VIPAS39: variants seen among roughly 807,000 people sequenced by gnomAD.
The protein encoded by VIPAS39 is VPS33B interacting protein, apical-basolateral polarity regulator, spe-39 homolog, also known as spermatogenesis-defective protein 39 homolog.
Under a neutral mutation model 84.7 loss-of-function variants are expected in VIPAS39, and 63 were observed. That is an observed-to-expected ratio of 0.74 (90% confidence interval 0.61 to 0.92). The LOEUF (loss-of-function observed/expected upper bound fraction) is 0.92. VIPAS39 is among the 40% of genes least tolerant of loss of function. VIPAS39 has a pLI of 0.00. For synonymous variants in VIPAS39, 192 were observed against 216.5 expected (o/e 0.89, Z 0.99); for missense variants, 499 against 604.5 (o/e 0.83, Z 1.83).
At chr14:77,434,439 G>A in intron 14 of VIPAS39, 136 bp from the exon 15 acceptor site, 2 of 854,820 alleles carry the variant, frequency 2.3e-6, no homozygotes, top group South Asian at 1.4e-5. Flanking sequence ...TTAATTTCAG[G>A]GAAAAGCTCC....
Position 77,449,713 on chromosome 14 carries a change from C to G in VIPAS39, c.382+1G>C. 1 of 1,614,058 alleles carries G rather than the reference C, an allele frequency of 6.2e-7. No individual in the cohort carries two copies. Among genetic ancestry groups the G allele is most frequent in the Non-Finnish European group, 8.5e-7 (1 of 1,180,014 alleles). ...CAATTAAAAGAGGGTTCAATGCCTA[C>G]CATCAGAAAGGGACTGGAAACTTCC... On this transcript the variant is annotated splice_donor_variant, in intron 5 of 19. Transcript: ENST00000557658. LOFTEE classifies it high-confidence loss of function.
intron 1 of VIPAS39, 36 bp downstream of exon 1, chr14:77,457,459 C>T (rs2078979549): frequency 2.0e-6 from 3 of 1,490,588 alleles, no homozygotes; most frequent in Admixed American, 2.0e-5. Flanking sequence ...TGGATCCAGC[C>T]AGATACGCGA....
At position 77,444,330 on chromosome 14, in the gene VIPAS39, T is replaced by C. The variant is rs766597139; in HGVS notation, c.516A>G (p.Leu172=). Residue 172 remains leucine, a synonymous_variant, in exon 8 of 20, where the codon CTA becomes CTG. Transcript: ENST00000557658. Reference sequence around the variant, plus strand: ...TGTCCTGTAAGGAGCGGAATCTCTCTAGTGAGCAAACCTGGCAGAATAACA... The same window carrying C: ...TGTCCTGTAAGGAGCGGAATCTCTCCAGTGAGCAAACCTGGCAGAATAACA... ...RRLRKGKVCS[L]ERFRSLQDKL... 2 of 1,613,298 alleles carry C rather than the reference T, an allele frequency of 1.2e-6. No individual in the cohort carries two copies. Among genetic ancestry groups the C allele is most frequent in the Non-Finnish European group, 1.7e-6 (2 of 1,179,480 alleles).
At chr14:77,437,470 T>TA (rs1159488914) in intron 12 of VIPAS39, among the ~76,000 whole-genome samples, 1 of 151,816 alleles carries the variant, frequency 6.6e-6, no homozygotes. Flanking sequence ...CCTAAGGTCA[T>TA]AAAAAAAGGT....
chr14:77,441,119 G>A (rs780474740), intron 10 of VIPAS39, 26 bp from the exon 11 acceptor site: 1 of 1,612,204 alleles, frequency 6.2e-7, no homozygotes, highest in Admixed American at 1.7e-5. Context: ...AGGGAGCAGG[G>A]CATTTGTATC....
At chr14:77,455,808 ACTATCTGGTCC>A (rs1275566125) in intron 1 of VIPAS39, among the ~76,000 whole-genome samples, 1 of 152,150 alleles carries the variant, frequency 6.6e-6, no homozygotes, top group African/African-American at 2.4e-5. Context: ...GGGATTTTCT[ACTATCTGGTCC>A]CTTCTCACGG....
chr14:77,443,110 C>T lies in VIPAS39; in HGVS notation c.631+9G>A. The T allele has an allele frequency of 6.2e-7, 1 of 1,614,198 alleles. No homozygotes were observed. Among genetic ancestry groups the T allele is most frequent in the Non-Finnish European group, 8.5e-7 (1 of 1,180,034 alleles). Reference sequence around the variant, plus strand: ...TGCTGACTGAAGATTTCCTGCAAGCCATTCTCACCTTTGCTCAGTGTCCTC... The same window carrying T: ...TGCTGACTGAAGATTTCCTGCAAGCTATTCTCACCTTTGCTCAGTGTCCTC... On this transcript the variant is annotated intron_variant, in intron 9 of 19. Transcript: ENST00000557658.
chr14:77,437,734 C>T, intron 12 of VIPAS39, 74 bp downstream of exon 12: 1 of 1,492,170 alleles, frequency 6.7e-7, no homozygotes, highest in Non-Finnish European at 9.3e-7. Context: ...CTATCCATTC[C>T]ACCCTTTTTA....
Position 77,448,568 on chromosome 14 carries a change from C to G in VIPAS39, c.448-18G>C, listed in dbSNP as rs372432382. The G allele has an allele frequency of 1.2e-6, 2 of 1,613,598 alleles. No homozygotes were observed. Among genetic ancestry groups the G allele is most frequent in the East Asian group, 2.2e-5 (1 of 44,890 alleles). On this transcript the variant is annotated intron_variant, in intron 6 of 19. Transcript: ENST00000557658. ...CTGTAATCCTGGAATATTAGCAATA[C>G]GTGAATCCCAGGAAGTTAAGGAATC...
At chr14:77,442,958 C>T (rs893461577) in intron 9 of VIPAS39, among the ~76,000 whole-genome samples, 161 bp downstream of exon 9, 4 of 152,138 alleles carry the variant, frequency 2.6e-5, no homozygotes, top group Non-Finnish European at 4.4e-5. Context: ...CCCTAAAGGA[C>T]GCCCTCAGAG....
intron 1 of VIPAS39, chr14:77,457,129 GC>G: frequency 1.4e-6 from 2 of 1,416,622 alleles, no homozygotes; most frequent in Non-Finnish European, 1.8e-6. Flanking sequence ...TATCTTCCGA[GC>G]CAGGAAGATA....
chr14:77,433,757 A>C, intron 16 of VIPAS39, 85 bp downstream of exon 16: 5 of 1,418,068 alleles, frequency 3.5e-6, no homozygotes, highest in Non-Finnish European at 4.8e-6. Context: ...TTGGAGGAAA[A>C]ATGTAAACCG....
At chr14:77,449,260 G>T in intron 6 of VIPAS39, 33 bp downstream of exon 6, 1 of 1,601,734 alleles carries the variant, frequency 6.2e-7, no homozygotes, top group Non-Finnish European at 8.6e-7. Context: ...TTATACTGTG[G>T]AAAGTGTCAC....
In VIPAS39 at chr14:77,442,673, G is replaced by T; in HGVS notation, c.632-11C>A. The T allele has an allele frequency of 6.2e-7, 1 of 1,613,092 alleles. No homozygotes were observed. Among genetic ancestry groups the T allele is most frequent in the Non-Finnish European group, 8.5e-7 (1 of 1,179,134 alleles). ...CTCGGAAGAGGATCTCTGTCAGACA[G>T]TCAGGAGTTAAGTTGAGAAAGATTA... On this transcript the variant is annotated splice_polypyrimidine_tract_variant and intron_variant, in intron 9 of 19. Coordinates refer to ENST00000557658, the MANE Select transcript of VIPAS39 (RefSeq NM_001193315.2).
At chr14:77,437,469 A>AT (rs2078631228) in intron 12 of VIPAS39, among the ~76,000 whole-genome samples, 1 of 152,248 alleles carries the variant, frequency 6.6e-6, no homozygotes, top group African/African-American at 2.4e-5. Context: ...ACCTAAGGTC[A>AT]TAAAAAAAGG....
At chr14:77,442,432 C>A (rs1261575685) in intron 10 of VIPAS39, 128 bp downstream of exon 10, 2 of 839,284 alleles carry the variant, frequency 2.4e-6, no homozygotes, top group African/African-American at 3.3e-5. Context: ...TCCCCTCACA[C>A]TTCAATAGCT....
chr14:77,441,047 A>T lies in VIPAS39; in HGVS notation c.762+19T>A. The T allele has an allele frequency of 1.2e-6, 2 of 1,609,748 alleles. No homozygotes were observed. Among genetic ancestry groups the T allele is most frequent in the Non-Finnish European group, 1.7e-6 (2 of 1,179,304 alleles). On this transcript the variant is annotated intron_variant, in intron 11 of 19. Transcript: ENST00000557658. ...TTTCTGTTAAACAGGTACCCAACTG[A>T]AACAAAGGCCACACTTACCGCAAGC...
chr14:77,451,387 C>T, intron 3 of VIPAS39, 54 bp from the exon 4 acceptor site: 1 of 1,613,412 alleles, frequency 6.2e-7, no homozygotes, highest in South Asian at 1.1e-5. Context: ...AAAGCCTTGA[C>T]ATCCAACATT....
At chr14:77,452,410 A>T (rs1566739413) in intron 3 of VIPAS39, among the ~76,000 whole-genome samples, 1 of 148,320 alleles carries the variant, frequency 6.7e-6, no homozygotes, top group African/African-American at 2.5e-5. Context: ...TAGACCTTTA[A>T]TTTTTTTTTT....
Sources: gnomAD v4.1 joint callset for allele counts (sites outside exome capture counted in the v4.1 genomes callset) on GRCh38, gnomAD v4.1.1 for gene constraint, MANE v1.5 for transcripts, NCBI Gene and HGNC (gene_info 2026-07-23, HGNC 2026-07-21) for gene names.